Variants in TMEM67 observed in about 807,000 individuals in gnomAD.
The protein encoded by TMEM67 is meckelin.
TMEM67 carries 124 observed loss-of-function variants against 136.6 expected under a neutral mutation model. That is an observed-to-expected ratio of 0.91 (90% CI 0.78 to 1.05). The LOEUF is 1.05. Among genes scored for constraint, TMEM67 ranks in the 50% least tolerant of loss-of-function variants. TMEM67 has a pLI of 0.00. For synonymous variants in TMEM67, 364 were observed against 390.5 expected, an observed-to-expected ratio of 0.93 and a Z score of 0.80; for missense variants, 1,107 against 1,178.4, an observed-to-expected ratio of 0.94 and a Z score of 0.89.
At position 93,780,893 on chromosome 8, in the gene TMEM67, C is replaced by T. The variant is rs1263230582; in HGVS notation, c.889C>T (p.Leu297=). ...TTATAGGAGACAGAATCTTCCTTGGCTGTTTTATGGAGACCAGTTAGGATT... is the reference window on the plus strand; with the variant it reads ...TTATAGGAGACAGAATCTTCCTTGGTTGTTTTATGGAGACCAGTTAGGATT... The part of the protein sequence containing the change: ...ISFWRQNLPW[L]FYGDQLGLAP... The change falls in exon 9 of 28, where the codon CTG becomes TTG. Residue 297 remains leucine (L), a synonymous_variant. Transcript: ENST00000453321. 2 of 1,611,636 alleles carry T rather than the reference C, an allele frequency of 1.2e-6. No individual in the cohort carries two copies. The highest frequency in any genetic ancestry group is 1.7e-6 in the Non-Finnish European group (2 of 1,179,222).
chr8:93,757,363 C>T (rs1186818924), intron 2 of TMEM67, among the ~76,000 whole-genome samples: 10 of 152,072 alleles, frequency 6.6e-5, no homozygotes, highest in Non-Finnish European at 1.3e-4. Flanking sequence ...CTAGGCCGGG[C>T]GCGGTGGCTC....
At chr8:93,758,245 A>G (rs1812669722) in intron 2 of TMEM67, among the ~76,000 whole-genome samples, 1 of 152,238 alleles carries the variant, frequency 6.6e-6, no homozygotes, top group African/African-American at 2.4e-5. Context: ...TGAAGAAGAG[A>G]GAACTATTAT....
chr8:93,798,796 T>C (rs1236249615), intron 20 of TMEM67, among the ~76,000 whole-genome samples: 1 of 152,150 alleles, frequency 6.6e-6, no homozygotes, highest in African/African-American at 2.4e-5. Flanking sequence ...CTTGAAGTGG[T>C]ATTTTGGTTT....
At chr8:93,822,652 C>T (rs779920758), downstream of TMEM67, among the ~76,000 whole-genome samples, 32 of 152,208 alleles carry the variant, frequency 2.1e-4, no homozygotes, top group Non-Finnish European at 3.5e-4. Context: ...TAACTTCTGT[C>T]GTCTCTCCCT....
chr8:93,787,556 A>G (rs1285242898), intron 13 of TMEM67, among the ~76,000 whole-genome samples: 1 of 152,236 alleles, frequency 6.6e-6, no homozygotes, highest in East Asian at 1.9e-4. Context: ...TGTAAACTTC[A>G]CAGGACTTGG....
chr8:93,813,214 T>C (rs961424792), intron 26 of TMEM67, among the ~76,000 whole-genome samples: 3 of 152,062 alleles, frequency 2.0e-5, no homozygotes, highest in African/African-American at 7.2e-5. Flanking sequence ...AGTCTCGCTC[T>C]GTTGTCTAGG....
chr8:93,781,907 G>T (rs1230765893), intron 10 of TMEM67, among the ~76,000 whole-genome samples, 163 bp downstream of exon 10: 1 of 150,864 alleles, frequency 6.6e-6, no homozygotes, highest in Non-Finnish European at 1.5e-5. Context: ...TTGTTTGTTT[G>T]TTTGTTTGTT....
rs1406071639 is a variant in TMEM67 at position 93,758,425 on chromosome 8, GA to G, written c.313-57del. ...CTCTTATGGCATTTTGAACTTACATGATTAGAAGAAGAAAGTTAATTAAAAA... is the reference window on the plus strand; with the variant it reads ...CTCTTATGGCATTTTGAACTTACATGTTAGAAGAAGAAAGTTAATTAAAAA... On this transcript the variant is annotated intron_variant, in intron 2 of 27. Coordinates refer to ENST00000453321, the MANE Select transcript of TMEM67 (RefSeq NM_153704.6). The G allele has an allele frequency of 2.3e-6, 3 of 1,311,284 alleles. No individual in the cohort carries two copies. In the African/African-American group the frequency reaches 4.4e-5, roughly 19 times the overall value. 81.2% of individuals were successfully genotyped at this position (1,311,284 alleles called of 1,614,324 possible).
chr8:93,793,886 T>G (rs576734160), intron 16 of TMEM67, among the ~76,000 whole-genome samples: 57 of 148,472 alleles, frequency 3.8e-4, no homozygotes, highest in African/African-American at 1.3e-3. Flanking sequence ...TTCATTTTTG[T>G]TTTTTTTTGT....
At chr8:93,762,386 G>T (rs565929766) in intron 3 of TMEM67, among the ~76,000 whole-genome samples, 68 of 148,294 alleles carry the variant, frequency 4.6e-4, no homozygotes, top group African/African-American at 1.6e-3. Context: ...TGTGGTGATG[G>T]GGGTCTTACT....
At chr8:93,804,503 T>TTTTTTTTTTTTTTTCCTTTTTTTTCC (rs1815030642) in intron 22 of TMEM67, among the ~76,000 whole-genome samples, 1 of 141,872 alleles carries the variant, frequency 7.0e-6, no homozygotes. Context: ...TTTTTTTTTG[T>TTTTTTTTTTTTTTTCCTTTTTTTTCC]AGAGATAGAG....
intron 16 of TMEM67, among the ~76,000 whole-genome samples, chr8:93,793,522 C>T (rs1814478554): frequency 6.6e-6 from 1 of 152,176 alleles, no homozygotes; most frequent in Non-Finnish European, 1.5e-5. Flanking sequence ...CTTATTTCTG[C>T]ACATACTTGG....
intron 7 of TMEM67, among the ~76,000 whole-genome samples, chr8:93,775,258 TTGTC>T: frequency 6.6e-6 from 1 of 152,344 alleles, no homozygotes; most frequent in Non-Finnish European, 1.5e-5. Context: ...TATTAGCCCT[TTGTC>T]AGATGGGTTA....
At position 93,782,322 on chromosome 8, in the gene TMEM67, C is replaced by G. The variant is rs144375346; in HGVS notation, c.1066-73C>G. The G allele has an allele frequency of 3.8e-5, 43 of 1,134,398 alleles. No homozygotes were observed. The African/African-American group carries it at 5.7e-4, about 15-fold the overall frequency. The allele number at this position is 1,134,398 out of a possible 1,614,324, so 70.3% of individuals were successfully genotyped here. A position where few individuals can be genotyped will look rare whatever the true frequency, so the allele number is the denominator to read the frequency against. ...ATTATGTAGAGCATATATCCATGTT[C>G]GGGTTTGAGAACTCTTGAGTATAAG... On this transcript the variant is annotated intron_variant, in intron 10 of 27. Coordinates refer to ENST00000453321, the MANE Select transcript of TMEM67 (RefSeq NM_153704.6).
chr8:93,818,502 A>T (rs1188003815), downstream of TMEM67, among the ~76,000 whole-genome samples: 1 of 152,202 alleles, frequency 6.6e-6, no homozygotes, highest in African/African-American at 2.4e-5. Flanking sequence ...ATTCAAAATG[A>T]TCATTAACTC....
At chr8:93,774,992 A>G (rs893667400) in intron 7 of TMEM67, among the ~76,000 whole-genome samples, 10 of 152,094 alleles carry the variant, frequency 6.6e-5, no homozygotes, top group East Asian at 1.9e-4. Context: ...AAGCATTCCT[A>G]TTTCTCCATG....
the TMEM67 span, among the ~76,000 whole-genome samples, chr8:93,826,123 C>CTTTTTTTTTTTTTT: frequency 1.7e-4 from 9 of 52,372 alleles, 1 homozygote; most frequent in African/African-American, 5.1e-4. Context: ...TTAATCATGT[C>CTTTTTTTTTTTTTT]TTTTTTTTTT....
intron 14 of TMEM67, among the ~76,000 whole-genome samples, chr8:93,789,867 T>TA (rs1383521810): frequency 1.3e-5 from 2 of 151,756 alleles, no homozygotes; most frequent in Admixed American, 1.3e-4. Flanking sequence ...GGTCAGGAGT[T>TA]AGAGACCAGC....
At chr8:93,795,073 T>G in intron 16 of TMEM67, 1 of 334,308 alleles carries the variant, frequency 3.0e-6, no homozygotes, top group Non-Finnish European at 5.6e-6. Flanking sequence ...CCAATTTACA[T>G]CTTAGAAAAC....
Sources: gnomAD v4.1 joint callset for allele counts (sites outside exome capture counted in the v4.1 genomes callset) on GRCh38, gnomAD v4.1.1 for gene constraint, MANE v1.5 for transcripts, NCBI Gene and HGNC (gene_info 2026-07-23, HGNC 2026-07-21) for gene names.